The following ASNS variants were observed in gnomAD, a reference collection of about 807,000 sequenced individuals.
ASNS encodes asparagine synthetase (glutamine-hydrolyzing), also known as asparagine synthetase [glutamine-hydrolyzing].
ASNS carries 37 observed loss-of-function variants against 62.6 expected under a neutral mutation model. The ratio of observed to expected loss-of-function variants is 0.59; its 90% CI spans 0.45 to 0.78. The LOEUF (loss-of-function observed/expected upper bound fraction) is 0.78, where lower values mean the gene tolerates loss of function less well. ASNS is among the 30% of genes least tolerant of loss of function. The probability of loss-of-function intolerance (pLI) is 0.00; values close to 1 mark genes in which losing one functional copy is unlikely to be tolerated. For missense variants in ASNS, 520 were observed against 682.4 expected (o/e 0.76, Z 2.65); for synonymous variants, 207 against 237.9 (o/e 0.87, Z 1.19).
intron 10 of ASNS, 39 bp from the exon 11 acceptor site, chr7:97,853,425 T>TATTTTTA: frequency 6.5e-7 from 1 of 1,531,282 alleles, no homozygotes; most frequent in Non-Finnish European, 9.0e-7. Flanking sequence ...TTAAAATGGG[T>TATTTTTA]ATTTAGTGCC....
At chr7:97,866,391 C>T (rs111263599) in intron 3 of ASNS, among the ~76,000 whole-genome samples, 3 of 152,178 alleles carry the variant, frequency 2.0e-5, no homozygotes, top group African/African-American at 4.8e-5. Flanking sequence ...GATAAAATGA[C>T]GGTGGCGCTT....
chr7:97,898,320 T>C, the ASNS span: 2 of 461,248 alleles, frequency 4.3e-6, no homozygotes, highest in Non-Finnish European at 7.9e-6. Context: ...TCTTATTTGC[T>C]ACTGTTTTAA....
At chr7:97,895,948 A>G in the ASNS span, among the ~76,000 whole-genome samples, 1 of 151,934 alleles carries the variant, frequency 6.6e-6, no homozygotes, top group Non-Finnish European at 1.5e-5. Flanking sequence ...CAATAGCTAC[A>G]AAAATAAAAT....
At chr7:97,918,909 C>T in the ASNS span, among the ~76,000 whole-genome samples, 417 of 152,102 alleles carry the variant, frequency 2.7e-3, 2 homozygotes, top group Non-Finnish European at 4.8e-3. Flanking sequence ...CAAACCTGCA[C>T]ATTCTGCACA....
At chr7:97,903,985 G>A in the ASNS span, among the ~76,000 whole-genome samples, 735 of 152,210 alleles carry the variant, frequency 4.8e-3, 2 homozygotes, top group African/African-American at 0.017. Flanking sequence ...CACTAGGATT[G>A]AGTTAGGGTG....
intron 1 of ASNS, chr7:97,870,230 A>G: frequency 1.1e-6 from 1 of 920,710 alleles, no homozygotes; most frequent in Non-Finnish European, 1.6e-6. Context: ...TCTGAGTGCT[A>G]CGAAGATTGT....
At chr7:97,877,358 G>A (rs185023080), upstream of ASNS, among the ~76,000 whole-genome samples, 15 of 152,318 alleles carry the variant, frequency 9.8e-5, no homozygotes, top group Admixed American at 8.5e-4. Flanking sequence ...CTCCCAAAGT[G>A]TTGGGATTAC....
chr7:97,853,126 G>A lies in ASNS; in HGVS notation c.1410C>T (p.Phe470=), dbSNP rs1265172509. 6.2e-7 allele frequency: 1 copy of A among 1,611,226 alleles called. No homozygotes were observed. Among genetic ancestry groups the A allele is most frequent in the Non-Finnish European group, 8.5e-7 (1 of 1,179,190 alleles). The change falls in exon 12 of 13, where the codon TTC becomes TTT. Residue 470 remains phenylalanine (F), a synonymous_variant. Coordinates refer to ENST00000394308, the MANE Select transcript of ASNS (RefSeq NM_001673.5). ...TCTTAACTGAAGTTATTCCATCACTGAAGGCTTCTTTTGGTCGCCAGAGAA... is the reference window on the plus strand; with the variant it reads ...TCTTAACTGAAGTTATTCCATCACTAAAGGCTTCTTTTGGTCGCCAGAGAA... The part of the protein sequence containing the change: ...KEILWRPKEA[F]SDGITSVKNS...
At chr7:97,898,493 T>C in the ASNS span, 1 of 550,476 alleles carries the variant, frequency 1.8e-6, no homozygotes, top group African/African-American at 1.9e-5. Flanking sequence ...ACTTTTCTAA[T>C]GAAGACATCA....
chr7:97,863,799 T>C (rs1368849357), intron 4 of ASNS: 2 of 153,840 alleles, frequency 1.3e-5, no homozygotes, highest in Non-Finnish European at 2.9e-5. Context: ...GAGTGTTGTT[T>C]ACCAACATCT....
Position 97,855,395 on chromosome 7 carries a change from T to C in ASNS, c.1095A>G (p.Glu365=), listed in dbSNP as rs2115616126. 1 of 1,612,888 alleles carries C rather than the reference T, an allele frequency of 6.2e-7. No individual in the cohort carries two copies. The highest frequency in any genetic ancestry group is 1.3e-5 in the African/African-American group (1 of 75,034). The change falls in exon 9 of 13, where the codon GAA becomes GAG. Residue 365 remains glutamate, a synonymous_variant. Coordinates refer to ENST00000394308, the MANE Select transcript of ASNS (RefSeq NM_001673.5). ...NTDSVVIFSG[E]GSDELTQGYI... ...AACCCTGCGTAAGTTCATCTGATCC[T>C]TCTCCAGAGAAGATCACCACGCTAT... is the stretch of plus-strand genomic sequence containing the variant.
the ASNS span, among the ~76,000 whole-genome samples, chr7:97,884,648 A>G: frequency 6.6e-6 from 1 of 152,100 alleles, no homozygotes; most frequent in Admixed American, 6.5e-5. Flanking sequence ...TTCTCTACAT[A>G]GTGAACTCAT....
At chr7:97,887,180 G>A in the ASNS span, among the ~76,000 whole-genome samples, 4 of 152,182 alleles carry the variant, frequency 2.6e-5, no homozygotes, top group African/African-American at 9.7e-5. Context: ...TGGGGACGCA[G>A]GATAAAGCAA....
In ASNS at chr7:97,864,605, A is replaced by G. The variant is rs1444583856; in HGVS notation, c.250-109T>C. The G allele has an allele frequency of 6.5e-6, 5 of 766,392 alleles. No individual in the cohort carries two copies. The East Asian group carries it at 1.3e-4, about 20-fold the overall frequency. The allele number at this position is 766,392 out of a possible 1,614,324, so 47.5% of individuals were successfully genotyped here. On this transcript the variant is annotated intron_variant, in intron 3 of 12. Transcript: ENST00000394308. ...TCTGAGCTCTATAATCCTTTCATGC[A>G]CTTTGGTGATTTAGGAGAATCACAG...
chr7:97,889,094 C>T, the ASNS span, among the ~76,000 whole-genome samples: 1 of 152,214 alleles, frequency 6.6e-6, no homozygotes, highest in African/African-American at 2.4e-5. Flanking sequence ...AGGCTATCAT[C>T]AGTGCCCACA....
chr7:97,920,407 G>C, the ASNS span, among the ~76,000 whole-genome samples: 1 of 149,494 alleles, frequency 6.7e-6, no homozygotes, highest in African/African-American at 2.5e-5. Flanking sequence ...ACCCCCCAAT[G>C]CCCCCCGGCC....
chr7:97,919,108 A>T, the ASNS span, among the ~76,000 whole-genome samples: 1 of 151,964 alleles, frequency 6.6e-6, no homozygotes, highest in African/African-American at 2.4e-5. Context: ...TCTATTGCCC[A>T]GTCTGGAGTC....
intron 3 of ASNS, among the ~76,000 whole-genome samples, chr7:97,865,733 C>T (rs1791930163): frequency 6.6e-6 from 1 of 152,122 alleles, no homozygotes; most frequent in African/African-American, 2.4e-5. Context: ...CACCACAGAG[C>T]AGAAAATAAG....
At chr7:97,854,464 T>C in intron 10 of ASNS, 116 bp downstream of exon 10, 1 of 1,272,532 alleles carries the variant, frequency 7.9e-7, no homozygotes, top group Non-Finnish European at 1.1e-6. Context: ...CAACTATATG[T>C]AACATATAGC....
Sources: gnomAD v4.1 joint callset for allele counts (sites outside exome capture counted in the v4.1 genomes callset) on GRCh38, gnomAD v4.1.1 for gene constraint, MANE v1.5 for transcripts, NCBI Gene and HGNC (gene_info 2026-07-23, HGNC 2026-07-21) for gene names.